Variants in USP42 observed in about 807,000 individuals in gnomAD.
USP42 encodes ubiquitin specific peptidase 42.
In USP42, 23 loss-of-function variants were observed where a neutral mutation model predicts 113.0. The observed-to-expected ratio is 0.20, with a 90% CI of 0.15 to 0.29. USP42 has a LOEUF of 0.29. Ranked by LOEUF, USP42 falls within the 10% of genes least tolerant of loss-of-function variation. The pLI is 1.00. For synonymous variants in USP42, 933 were observed against 699.0 expected (o/e 1.33, Z -5.28); for missense variants, 2,174 against 1,779.8 (o/e 1.22, Z -3.99).
chr7:6,092,569 T>C, the USP42 span, among the ~76,000 whole-genome samples: 1 of 151,362 alleles, frequency 6.6e-6, no homozygotes. Flanking sequence ...AAGTATTACC[T>C]TCCTCATTTG....
At chr7:6,092,040 TCTTCTTCTTCTTCTTTC>T in the USP42 span, among the ~76,000 whole-genome samples, 2 of 104,042 alleles carry the variant, frequency 1.9e-5, no homozygotes, top group East Asian at 2.2e-4. Flanking sequence ...TTCTTCTTCT[TCTTCTTCTTCTTCTTTC>T]TTCTTCTTCT....
In USP42 at chr7:6,135,493, C is replaced by CA. The variant is rs952252498; in HGVS notation, c.443-339dup. 1.4e-4 allele frequency among the ~76,000 whole-genome samples: 21 copies of CA among 149,338 alleles called. 1 individual carries two copies. Among genetic ancestry groups the CA allele is most frequent in the Admixed American group, 4.7e-4 (7 of 14,976 alleles). ...TGAAACCCCATCTCTACTAAAAATA[C>CA]AAAAAAAAATTAGCCAGGCATGGTG... On this transcript the variant is annotated intron_variant, in intron 3 of 17. Transcript: ENST00000306177.
chr7:6,120,118 C>G (rs1205025609), intron 3 of USP42, among the ~76,000 whole-genome samples: 1 of 152,192 alleles, frequency 6.6e-6, no homozygotes, highest in Non-Finnish European at 1.5e-5. Context: ...GTGCCTGCCA[C>G]CACGCCGGCT....
At chr7:6,127,262 G>A (rs1467450120) in intron 3 of USP42, among the ~76,000 whole-genome samples, 2 of 152,144 alleles carry the variant, frequency 1.3e-5, no homozygotes, top group Non-Finnish European at 2.9e-5. Context: ...CCACTTAGTG[G>A]TTGTTTTACA....
At chr7:6,138,460 CTT>C (rs1225815098) in intron 4 of USP42, among the ~76,000 whole-genome samples, 1 of 152,190 alleles carries the variant, frequency 6.6e-6, no homozygotes, top group East Asian at 1.9e-4. Context: ...TTTGGACAAA[CTT>C]GAGACAAAAC....
chr7:6,150,825 A>G (rs1184126948), intron 14 of USP42, among the ~76,000 whole-genome samples: 1 of 152,168 alleles, frequency 6.6e-6, no homozygotes, highest in Non-Finnish European at 1.5e-5. Context: ...CTCATGAGAA[A>G]TGATGATGTG....
intron 14 of USP42, chr7:6,152,929 C>G: frequency 1.0e-6 from 1 of 985,286 alleles, no homozygotes; most frequent in African/African-American, 1.7e-5. Context: ...GGAGGAGGCC[C>G]TGTCATCACT....
At chr7:6,082,603 G>GTT in the USP42 span, among the ~76,000 whole-genome samples, 17,977 of 88,640 alleles carry the variant, frequency 0.2, 3,436 homozygotes, top group East Asian at 0.31. Flanking sequence ...CTTTCTTTCT[G>GTT]TTTTTTTTTT....
chr7:6,133,669 G>A (rs1051487762), intron 3 of USP42, among the ~76,000 whole-genome samples: 10 of 151,890 alleles, frequency 6.6e-5, no homozygotes, highest in African/African-American at 2.4e-4. Context: ...ACAAGCACGT[G>A]CCACCACACC....
intron 3 of USP42, among the ~76,000 whole-genome samples, chr7:6,124,631 C>G (rs1780423690): frequency 6.6e-6 from 1 of 152,082 alleles, no homozygotes; most frequent in African/African-American, 2.4e-5. Flanking sequence ...TAGCCTCTGC[C>G]TTTTATTTTG....
At chr7:6,085,993 A>G in the USP42 span, among the ~76,000 whole-genome samples, 807 of 150,818 alleles carry the variant, frequency 5.4e-3, 50 homozygotes, top group African/African-American at 0.019. Flanking sequence ...ACTGGCTGCC[A>G]ACATCGAGAT....
intron 11 of USP42, among the ~76,000 whole-genome samples, chr7:6,146,825 G>C (rs1464424890): frequency 6.6e-6 from 1 of 152,186 alleles, no homozygotes; most frequent in Non-Finnish European, 1.5e-5. Flanking sequence ...GGCTTCTGCT[G>C]CGGGCAGTAA....
intron 2 of USP42, among the ~76,000 whole-genome samples, chr7:6,114,678 A>ATATATATATATATATATAT (rs1241045063): frequency 5.3e-5 from 1 of 18,876 alleles, no homozygotes; most frequent in Non-Finnish European, 7.5e-5. Flanking sequence ...ATATATATAT[A>ATATATATATATATATATAT]TTTTTTTTTT....
In USP42 at chr7:6,154,664, A is replaced by G. The variant is rs777836548; in HGVS notation, c.3110A>G (p.Tyr1037Cys). 6.2e-6 allele frequency: 10 copies of G among 1,605,988 alleles called. No individual in the cohort carries two copies. The East Asian group carries it at 6.7e-5, about 11-fold the overall frequency. The change falls in exon 15 of 18, where the codon TAC (tyrosine) becomes TGC (cysteine). Residue 1037 changes from tyrosine (Y) to cysteine (C), a missense_variant. Physicochemically the swap from Tyr to Cys is radical, Grantham distance 194 (BLOSUM62 -2). Transcript: ENST00000306177. ...GAGCTGGACTGGGTCAGACACCACT[A>G]CACCGAGGGCGAGCGTGGCTGGGGC... ...GVELDWVRHH[Y>C]TEGERGWGRE... is the part of the protein sequence containing the mutation.
At chr7:6,130,803 A>G (rs775301252) in intron 3 of USP42, among the ~76,000 whole-genome samples, 2 of 152,216 alleles carry the variant, frequency 1.3e-5, no homozygotes, top group African/African-American at 2.4e-5. Context: ...CAAAGATTTT[A>G]TGCTCACAGG....
At position 6,154,732 on chromosome 7, in the gene USP42, C is replaced by T. The variant is rs533131980; in HGVS notation, c.3178C>T (p.Arg1060Trp). Residue 1060 changes from arginine to tryptophan, a missense_variant, in exon 15 of 18, where the codon CGG (arginine) becomes TGG (tryptophan). By Grantham distance (101) the Arg-to-Trp change is moderately radical. Coordinates refer to ENST00000306177, the MANE Select transcript of USP42 (RefSeq NM_032172.3). ...CGACAGGCCGCGCTGGGACAGGTGC[C>T]GGTACTACCATGACAGGTACGCCCT... ...YPDRPRWDRCRYYHDRYALYA... is the reference protein window; with the variant it reads ...YPDRPRWDRCWYYHDRYALYA... 1.0e-5 allele frequency: 16 copies of T among 1,584,012 alleles called. No homozygotes were observed. Among genetic ancestry groups the T allele is most frequent in the East Asian group, 2.3e-5 (1 of 43,148 alleles).
chr7:6,085,545 C>G, the USP42 span, among the ~76,000 whole-genome samples: 3 of 149,346 alleles, frequency 2.0e-5, no homozygotes, highest in Non-Finnish European at 4.4e-5. Context: ...AGAAGAGGGA[C>G]CTGCTGTATA....
rs1368189649 is a variant in USP42, at chr7:6,140,344, G to A, written c.724+149G>A. Reference sequence around the variant, plus strand: ...TTCCTTTTACCCAGAGGCAGCCTCGGTGCCAGGTTGTAGTAAATCCTCCTG... The same window carrying A: ...TTCCTTTTACCCAGAGGCAGCCTCGATGCCAGGTTGTAGTAAATCCTCCTG... On this transcript the variant is annotated intron_variant, in intron 6 of 17. Transcript: ENST00000306177. 22 of 701,836 alleles carry A rather than the reference G, an allele frequency of 3.1e-5. 1 individual carries two copies. Among genetic ancestry groups the A allele is most frequent in the Non-Finnish European group, 4.5e-5 (19 of 417,594 alleles). The allele number at this position is 701,836 out of a possible 1,614,324, so 43.5% of individuals were successfully genotyped here. A position where few individuals can be genotyped will look rare whatever the true frequency, so the allele number is the denominator to read the frequency against.
chr7:6,106,298 G>A (rs1779272059), intron 1 of USP42, among the ~76,000 whole-genome samples: 2 of 152,128 alleles, frequency 1.3e-5, no homozygotes. Flanking sequence ...ATGAGAACGT[G>A]GATTACATTG....
Sources: gnomAD v4.1 joint callset for allele counts (sites outside exome capture counted in the v4.1 genomes callset) on GRCh38, gnomAD v4.1.1 for gene constraint, MANE v1.5 for transcripts, NCBI Gene and HGNC (gene_info 2026-07-23, HGNC 2026-07-21) for gene names.